The following ERFE variants were observed in gnomAD, a reference collection of about 807,000 sequenced individuals.
ERFE encodes erythroferrone, also known as complement C1q tumor necrosis factor-related protein 15.
Under a neutral mutation model 26.6 loss-of-function variants are expected in ERFE, and 25 were observed. The observed-to-expected ratio is 0.94, with a 90% confidence interval of 0.69 to 1.31. ERFE has a LOEUF of 1.31. ERFE is among the 40% of genes most tolerant of loss of function. ERFE has a pLI of 0.00. For synonymous variants in ERFE, 206 were observed against 204.5 expected, an observed-to-expected ratio of 1.01 and a Z score of -0.06; for missense variants, 447 against 440.2, an observed-to-expected ratio of 1.02 and a Z score of -0.14.
intron 2 of ERFE, among the ~76,000 whole-genome samples, chr2:238,162,014 A>AG (rs1296868359): frequency 6.6e-6 from 1 of 152,178 alleles, no homozygotes; most frequent in Non-Finnish European, 1.5e-5. Context: ...TCCACACTGG[A>AG]GGGGCCTGCA....
rs2106322437 is a variant in ERFE at position 238,168,709 on chromosome 2, G to T, written c.*1655G>T. On this transcript the variant is annotated 3_prime_UTR_variant, in exon 8 of 8. Transcript: ENST00000546354. ...GTACTGCATCCGTGTGTTTTGATAA[G>T]GGGGTGATGTGGCCACGCCCTTATC... The T allele has an allele frequency of 3.3e-6, 1 of 301,808 alleles. No homozygotes were observed. The highest frequency in any genetic ancestry group is 8.9e-5 in the East Asian group (1 of 11,208). 18.7% of individuals were successfully genotyped at this position (301,808 alleles called of 1,614,324 possible).
At chr2:238,159,811 GGAGAACTTCAGAGGA>G (rs1409649187) in intron 1 of ERFE, among the ~76,000 whole-genome samples, 27 of 152,320 alleles carry the variant, frequency 1.8e-4, no homozygotes, top group Middle Eastern at 3.4e-3. Context: ...CCTGAGGAGG[GGAGAACTTCAGAGGA>G]GCCCTCAGTG....
At chr2:238,164,397 C>T (rs761343809) in intron 6 of ERFE, 37 bp downstream of exon 6, 206 of 1,533,182 alleles carry the variant, frequency 1.3e-4, no homozygotes, top group Non-Finnish European at 1.7e-4. Flanking sequence ...CACCCGCATT[C>T]GCTCGGCCTC....
chr2:238,164,514 T>A (rs1693000684), intron 6 of ERFE, 154 bp downstream of exon 6: 1 of 684,400 alleles, frequency 1.5e-6, no homozygotes, highest in Non-Finnish European at 2.4e-6. Flanking sequence ...CCGGTCTACT[T>A]CTGCCCCTAT....
In ERFE at chr2:238,165,619, A is replaced by G; in HGVS notation, c.901A>G (p.Ile301Val). ...RCQRNASLEAIMGLESSSELF... is the reference protein window; with the variant it reads ...RCQRNASLEAVMGLESSSELF... Reference sequence around the variant, plus strand: ...TTTTGGGTACAGCTCCCTGGAGGCCATCATGGGCCTGGAGAGCAGCAGTGA... The same window carrying G: ...TTTTGGGTACAGCTCCCTGGAGGCCGTCATGGGCCTGGAGAGCAGCAGTGA... The change falls in exon 7 of 8, where the codon ATC (isoleucine) becomes GTC (valine). Residue 301 changes from isoleucine to valine, a missense_variant. By Grantham distance (29) the Ile-to-Val change is conservative. Coordinates refer to ENST00000546354, the MANE Select transcript of ERFE (RefSeq NM_001291832.2). 1 of 1,548,494 alleles carries G rather than the reference A, an allele frequency of 6.5e-7. No individual in the cohort carries two copies. Among genetic ancestry groups the G allele is most frequent in the Middle Eastern group, 1.7e-4 (1 of 5,974 alleles).
rs114668151 is a variant in ERFE, at chr2:238,160,763, C to T, written c.199-831C>T. Among the ~76,000 whole-genome samples the T allele has an allele frequency of 7.8e-3, 1,189 of 152,266 alleles. 6 individuals carry two copies. Among genetic ancestry groups the T allele is most frequent in the African/African-American group, 0.027 (1,117 of 41,548 alleles). ...AAAGGGCCCAGTCAGCTCTAAAATC[C>T]CAGGGTCCTTCCGTCAGCCCCCAGC... On this transcript the variant is annotated intron_variant, in intron 1 of 7. Transcript: ENST00000546354.
At chr2:238,161,459 T>G in intron 1 of ERFE, 135 bp from the exon 2 acceptor site, 1 of 1,183,662 alleles carries the variant, frequency 8.4e-7, no homozygotes, top group Non-Finnish European at 1.1e-6. Context: ...GGAGCTGCCT[T>G]TGAGGGCACC....
chr2:238,159,779 G>A (rs890624058), intron 1 of ERFE, among the ~76,000 whole-genome samples: 3 of 152,178 alleles, frequency 2.0e-5, no homozygotes, highest in Non-Finnish European at 1.5e-5. Context: ...AGGGTGGTCC[G>A]GTTGGGGAGG....
Position 238,164,336 on chromosome 2 carries a change from T to A in ERFE, c.863T>A (p.Ile288Asn). 5.2e-6 allele frequency: 8 copies of A among 1,540,106 alleles called. No homozygotes were observed. In the South Asian group the frequency reaches 9.5e-5, roughly 18 times the overall value. ...PRDHLRLLIC[I>N]QSRCQRNASL... ...GACCACCTGCGCCTGCTCATCTGCA[T>A]CCAGTCCCGGTGCCAGCGCAACGCG... The change falls in exon 6 of 8, where the codon ATC (isoleucine) becomes AAC (asparagine). Residue 288 changes from isoleucine (I) to asparagine (N), a missense_variant. Transcript: ENST00000546354.
In ERFE at chr2:238,167,609, T is replaced by G. The variant is rs973184689; in HGVS notation, c.*555T>G. On this transcript the variant is annotated 3_prime_UTR_variant, in exon 8 of 8. Transcript: ENST00000546354. The stretch of plus-strand genomic sequence containing the variant: ...TGGGCTCCTTGGTCTTCCCTGCCCC[T>G]CCCCTAACCGTGTTCTACCTGCCAG... 2 of 371,254 alleles carry G rather than the reference T, an allele frequency of 5.4e-6. No individual in the cohort carries two copies. The highest frequency in any genetic ancestry group is 4.2e-5 in the African/African-American group (2 of 47,362). 23.0% of individuals were successfully genotyped at this position (371,254 alleles called of 1,614,324 possible). A position where few individuals can be genotyped will look rare whatever the true frequency, so the allele number is the denominator to read the frequency against.
At chr2:238,164,626 G>A in intron 6 of ERFE, 3 of 467,898 alleles carry the variant, frequency 6.4e-6, no homozygotes, top group South Asian at 2.4e-5. Context: ...AGGCCGAGGC[G>A]GGCGGATCAC....
Position 238,164,012 on chromosome 2 carries a change from G to C in ERFE, c.687+13G>C. 10 of 1,374,326 alleles carry C rather than the reference G, an allele frequency of 7.3e-6. No individual in the cohort carries two copies. Among genetic ancestry groups the C allele is most frequent in the Non-Finnish European group, 9.3e-6 (10 of 1,070,608 alleles). 85.1% of individuals were successfully genotyped at this position (1,374,326 alleles called of 1,614,324 possible). A position where few individuals can be genotyped will look rare whatever the true frequency, so the allele number is the denominator to read the frequency against. On this transcript the variant is annotated intron_variant, in intron 4 of 7. Coordinates refer to ENST00000546354, the MANE Select transcript of ERFE (RefSeq NM_001291832.2). ...CGTCTACTACCTGGTGAGTGCCGGC[G>C]CGCGGGAGGGCGGGTGAGTCCGGCC...
intron 1 of ERFE, 25 bp downstream of exon 1, chr2:238,159,230 AC>A: frequency 4.9e-6 from 1 of 204,514 alleles, no homozygotes. Flanking sequence ...CCCGCTCCAG[AC>A]CCAGCCCGCG....
intron 6 of ERFE, 63 bp downstream of exon 6, chr2:238,164,423 G>T: frequency 6.7e-7 from 1 of 1,488,794 alleles, no homozygotes. Flanking sequence ...GCTGGAGGTG[G>T]TTAAACAGGC....
rs1458923896 is a variant in ERFE at position 238,168,743 on chromosome 2, A to ACTT, written c.*1690_*1692dup. ...GTGGCCACGCCCTTATCTAGATTTC[A>ACTT]CTTTGTATCCACTGGGCACAGATAT... On this transcript the variant is annotated 3_prime_UTR_variant, in exon 8 of 8. Coordinates refer to ENST00000546354, the MANE Select transcript of ERFE (RefSeq NM_001291832.2). 8.9e-6 allele frequency: 2 copies of ACTT among 224,456 alleles called. No homozygotes were observed. The highest frequency in any genetic ancestry group is 4.5e-5 in the African/African-American group (2 of 44,004). 13.9% of individuals were successfully genotyped at this position (224,456 alleles called of 1,614,324 possible).
chr2:238,165,672 C>T lies in ERFE; in HGVS notation c.954C>T (p.Val318=). The T allele has an allele frequency of 6.5e-7, 1 of 1,549,374 alleles. No homozygotes were observed. The highest frequency in any genetic ancestry group is 8.7e-7 in the Non-Finnish European group (1 of 1,146,018). The change falls in exon 7 of 8, where the codon GTC becomes GTT. Residue 318 remains valine (V), a synonymous_variant. Transcript: ENST00000546354. ...TCTTCACCATCTCTGTGAATGGCGT[C>T]CTGTACCTGCAGGTGAGTGCGGCAG... is the stretch of plus-strand genomic sequence containing the variant. ...SELFTISVNG[V]LYLQMGQWTS... is the part of the protein sequence containing the mutation.
chr2:238,167,132 A>G lies in ERFE; in HGVS notation c.*78A>G, dbSNP rs748452594. The G allele has an allele frequency of 4.2e-6, 6 of 1,432,522 alleles. No homozygotes were observed. Among genetic ancestry groups the G allele is most frequent in the Non-Finnish European group, 4.8e-6 (5 of 1,047,696 alleles). The allele number at this position is 1,432,522 out of a possible 1,614,324, so 88.7% of individuals were successfully genotyped here. ...AATGTGTGGACAGTGTCAGAGTAGC[A>G]GTGGCCACATGGAGGAGGAGGCCCA... On this transcript the variant is annotated 3_prime_UTR_variant, in exon 8 of 8. Transcript: ENST00000546354.
At chr2:238,166,859 G>A (rs1476175875) in intron 7 of ERFE, 97 bp from the exon 8 acceptor site, 9 of 1,012,004 alleles carry the variant, frequency 8.9e-6, no homozygotes, top group South Asian at 1.5e-5. Context: ...CCAAAAGCGG[G>A]GCTGAGTGGG....
At position 238,162,776 on chromosome 2, in the gene ERFE, G is replaced by A; in HGVS notation, c.362G>A (p.Gly121Asp). Reference protein sequence around the residue: ...PGPPGPPGPQGPPGPIIPPEA... With the variant: ...PGPPGPPGPQDPPGPIIPPEA... ...CCCCCTGGGCCTCCCGGTCCCCAGG[G>A]CCCCCCAGGCCCCATCATCCCACCC... The change falls in exon 3 of 8, where the codon GGC becomes GAC. Residue 121 changes from glycine (G) to aspartate (D), a missense_variant. Coordinates refer to ENST00000546354, the MANE Select transcript of ERFE (RefSeq NM_001291832.2). 1.3e-6 allele frequency: 2 copies of A among 1,550,176 alleles called. No individual in the cohort carries two copies. The highest frequency in any genetic ancestry group is 2.7e-5 in the African/African-American group (2 of 73,170).
Sources: allele counts gnomAD v4.1 joint callset (sites outside exome capture counted in the v4.1 genomes callset), GRCh38; gene constraint gnomAD v4.1.1; transcripts MANE v1.5; gene names NCBI Gene and HGNC (gene_info 2026-07-23, HGNC 2026-07-21).